Variants in TNFRSF8 observed in about 807,000 individuals in gnomAD.
TNFRSF8 encodes tumor necrosis factor receptor superfamily member 8.
In TNFRSF8, 26 loss-of-function variants were observed where a neutral mutation model predicts 70.8. The observed-to-expected ratio is 0.37, with a 90% confidence interval of 0.27 to 0.51. The LOEUF (loss-of-function observed/expected upper bound fraction) is 0.51. TNFRSF8 is among the 20% of genes least tolerant of loss of function. TNFRSF8 has a pLI of 0.94. For missense variants in TNFRSF8, 720 were observed against 807.9 expected (o/e 0.89, Z 1.32); for synonymous variants, 356 against 339.2 (o/e 1.05, Z -0.54).
At chr1:12,079,934 A>AT (rs1557577056) in intron 1 of TNFRSF8, among the ~76,000 whole-genome samples, 1 of 141,042 alleles carries the variant, frequency 7.1e-6, no homozygotes. Flanking sequence ...TCACTACTTT[A>AT]TTTTTTAATT....
chr1:12,117,853 C>T (rs1042338553), intron 8 of TNFRSF8, among the ~76,000 whole-genome samples: 12 of 152,102 alleles, frequency 7.9e-5, no homozygotes, highest in Admixed American at 7.9e-4. Context: ...CCTCCCACCC[C>T]CTCACCCTTC....
chr1:12,088,299 T>G lies in TNFRSF8; in HGVS notation c.151+3748T>G, dbSNP rs112577569. ...CATACCGATGGAGCACGCTATGTGC[T>G]GGCCACTGTGCTGGGCCCTTTACCG... On this transcript the variant is annotated intron_variant, in intron 2 of 14. Transcript: ENST00000263932. This position sits in a 1 kb window ranked among gnomAD's most constrained non-coding sequence, Gnocchi z 4.0. 1.4e-4 allele frequency among the ~76,000 whole-genome samples: 20 copies of G among 147,932 alleles called. No homozygotes were observed. Among genetic ancestry groups the G allele is most frequent in the African/African-American group, 4.3e-4 (17 of 39,766 alleles).
chr1:12,082,872 C>T (rs113099966), intron 1 of TNFRSF8, among the ~76,000 whole-genome samples: 20 of 152,040 alleles, frequency 1.3e-4, no homozygotes, highest in African/African-American at 4.1e-4. Flanking sequence ...AAAAGGCAAG[C>T]CAGAGGATGC....
chr1:12,091,897 G>A (rs770605857), intron 2 of TNFRSF8, among the ~76,000 whole-genome samples: 51 of 152,178 alleles, frequency 3.4e-4, no homozygotes, highest in African/African-American at 7.2e-4. Flanking sequence ...TCCCTTGCAC[G>A]TGCAGTTCAC....
rs745806639 is a variant in TNFRSF8 at position 12,109,520 on chromosome 1, TG to T, written c.422-43del. On this transcript the variant is annotated intron_variant, in intron 4 of 14. Coordinates refer to ENST00000263932, the MANE Select transcript of TNFRSF8 (RefSeq NM_001243.5). This position sits in a 1 kb window ranked among gnomAD's most constrained non-coding sequence, Gnocchi z 4.4. ...GTGAAGGGTGTATTCCGGGAGACTT[TG>T]GGTCCCCAACACTGATTCTGAAGGC... is the stretch of plus-strand genomic sequence containing the variant. 3.7e-5 allele frequency: 56 copies of T among 1,528,462 alleles called. No individual in the cohort carries two copies. Among genetic ancestry groups the T allele is most frequent in the Non-Finnish European group, 4.7e-5 (52 of 1,106,162 alleles). The allele number at this position is 1,528,462 out of a possible 1,614,324, so 94.7% of individuals were successfully genotyped here.
At chr1:12,103,511 C>T (rs1289984889) in intron 3 of TNFRSF8, among the ~76,000 whole-genome samples, 2 of 152,074 alleles carry the variant, frequency 1.3e-5, no homozygotes, top group African/African-American at 4.8e-5. Flanking sequence ...ACTCTTTTGC[C>T]CAGGCTGGAG....
In TNFRSF8 at chr1:12,108,074, A is replaced by ACTTTTT. The variant is rs1553156303; in HGVS notation, c.422-1492_422-1491insCTTTTT. 4.1e-5 allele frequency among the ~76,000 whole-genome samples: 6 copies of ACTTTTT among 146,124 alleles called. No individual in the cohort carries two copies. Among genetic ancestry groups the ACTTTTT allele is most frequent in the African/African-American group, 1.5e-4 (6 of 39,674 alleles). ...CGAAGTCCCACACATACAGGCCACC[A>ACTTTTT]TTTTTTTATTTTTTTTTTTTTTGTG... On this transcript the variant is annotated intron_variant, in intron 4 of 14. Coordinates refer to ENST00000263932, the MANE Select transcript of TNFRSF8 (RefSeq NM_001243.5). The surrounding 1 kb of genome is among the most constrained non-coding windows in gnomAD (Gnocchi z 4.0).
At position 12,119,628 on chromosome 1, in the gene TNFRSF8, G is replaced by T. The variant is rs1339302657; in HGVS notation, c.947-3656G>T. The stretch of plus-strand genomic sequence containing the variant: ...TATTTTTATTATTTTTAGAGACAGG[G>T]TCTCACTCTGTGTTCCAGGCTGGAG... On this transcript the variant is annotated intron_variant, in intron 8 of 14. Coordinates refer to ENST00000263932, the MANE Select transcript of TNFRSF8 (RefSeq NM_001243.5). This position sits in a 1 kb window ranked among gnomAD's most constrained non-coding sequence, Gnocchi z 4.4. Among the ~76,000 whole-genome samples, 1 of 150,974 alleles carries T rather than the reference G, an allele frequency of 6.6e-6. No homozygotes were observed. The highest frequency in any genetic ancestry group is 1.5e-5 in the Non-Finnish European group (1 of 67,878).
chr1:12,100,445 C>T (rs797016564), intron 3 of TNFRSF8, among the ~76,000 whole-genome samples: 8 of 148,224 alleles, frequency 5.4e-5, no homozygotes, highest in African/African-American at 1.9e-4. Context: ...ACTTTTGGCT[C>T]TTTTGTAATA....
At chr1:12,067,410 C>T (rs941929974) in intron 1 of TNFRSF8, among the ~76,000 whole-genome samples, 3 of 152,108 alleles carry the variant, frequency 2.0e-5, no homozygotes, top group South Asian at 2.1e-4. Context: ...TAGCTGGGGC[C>T]GGGCGCTGTG....
chr1:12,103,327 C>T (rs897866912), intron 3 of TNFRSF8, among the ~76,000 whole-genome samples: 1 of 151,668 alleles, frequency 6.6e-6, no homozygotes, highest in African/African-American at 2.4e-5. Context: ...TGCACTCCAA[C>T]CTGGGTGACA....
intron 1 of TNFRSF8, among the ~76,000 whole-genome samples, chr1:12,079,836 C>T (rs1055604756): frequency 6.6e-6 from 1 of 152,152 alleles, no homozygotes; most frequent in Non-Finnish European, 1.5e-5. Context: ...CCCAGCATTT[C>T]GTGTCCTTGA....
intron 1 of TNFRSF8, among the ~76,000 whole-genome samples, chr1:12,075,841 C>T (rs1264297607): frequency 6.6e-6 from 1 of 152,184 alleles, no homozygotes; most frequent in Non-Finnish European, 1.5e-5. Flanking sequence ...GTCAGCATGA[C>T]CATAAACCAC....
rs1323026334 is a variant in TNFRSF8, at chr1:12,110,753, C to T, written c.676+549C>T. On this transcript the variant is annotated intron_variant, in intron 6 of 14. Transcript: ENST00000263932. This position sits in a 1 kb window ranked among gnomAD's most constrained non-coding sequence, Gnocchi z 4.0. ...AGCTGGGATTACAGGTGCCCACCACCACGCCTGGCTAACTTTGTATTTTTA... is the reference window on the plus strand; with the variant it reads ...AGCTGGGATTACAGGTGCCCACCACTACGCCTGGCTAACTTTGTATTTTTA... Among the ~76,000 whole-genome samples, 1 of 152,076 alleles carries T rather than the reference C, an allele frequency of 6.6e-6. No homozygotes were observed. Among genetic ancestry groups the T allele is most frequent in the Non-Finnish European group, 1.5e-5 (1 of 68,016 alleles).
At chr1:12,103,710 T>C (rs944139848) in intron 3 of TNFRSF8, among the ~76,000 whole-genome samples, 14 of 152,132 alleles carry the variant, frequency 9.2e-5, no homozygotes, top group African/African-American at 3.1e-4. Context: ...GATTTCACTA[T>C]GTCGCCATAT....
rs779628316 is a variant in TNFRSF8 at position 12,109,039 on chromosome 1, G to A, written c.422-527G>A. 6.6e-6 allele frequency among the ~76,000 whole-genome samples: 1 copy of A among 152,144 alleles called. No individual in the cohort carries two copies. The highest frequency in any genetic ancestry group is 2.4e-5 in the African/African-American group (1 of 41,428). On this transcript the variant is annotated intron_variant, in intron 4 of 14. Coordinates refer to ENST00000263932, the MANE Select transcript of TNFRSF8 (RefSeq NM_001243.5). The surrounding 1 kb of genome is among the most constrained non-coding windows in gnomAD (Gnocchi z 4.4). ...GCTCTGAGAAGCTTCAGGCATGGCTGGATCCAGGGCTCCATCTTGCCCCAT... is the reference window on the plus strand; with the variant it reads ...GCTCTGAGAAGCTTCAGGCATGGCTAGATCCAGGGCTCCATCTTGCCCCAT...
In TNFRSF8 at chr1:12,133,666, G is replaced by T. The variant is rs369283411; in HGVS notation, c.1310-1922G>T. 1.2e-4 allele frequency among the ~76,000 whole-genome samples: 18 copies of T among 148,962 alleles called. No homozygotes were observed. In the East Asian group the frequency reaches 3.2e-3, roughly 27 times the overall value. On this transcript the variant is annotated intron_variant, in intron 12 of 14. Coordinates refer to ENST00000263932, the MANE Select transcript of TNFRSF8 (RefSeq NM_001243.5). ...GAGGCAGGAGAATCGCTTGAACCCA[G>T]GAGGCGGAGGTTGCAGTGAGCCGAG...
chr1:12,135,837 A>T (rs549662843), intron 13 of TNFRSF8, among the ~76,000 whole-genome samples: 9 of 152,270 alleles, frequency 5.9e-5, no homozygotes, highest in African/African-American at 1.9e-4. Flanking sequence ...CTGGGGCCTC[A>T]GCCAGGCCTT....
At chr1:12,072,899 C>A (rs925162797) in intron 1 of TNFRSF8, among the ~76,000 whole-genome samples, 45 of 152,184 alleles carry the variant, frequency 3.0e-4, no homozygotes, top group Non-Finnish European at 7.4e-5. Flanking sequence ...CAGGACGCAG[C>A]GGCCAGGCCA....
Sources: allele counts gnomAD v4.1 joint callset (sites outside exome capture counted in the v4.1 genomes callset), GRCh38; gene constraint gnomAD v4.1.1; non-coding constraint Gnocchi (gnomAD v3.1); transcripts MANE v1.5; gene names NCBI Gene and HGNC (gene_info 2026-07-23, HGNC 2026-07-21).